PSEN1: variants seen among roughly 807,000 people sequenced by gnomAD.
PSEN1 encodes the protein presenilin-1.
A neutral mutation model predicts 53.5 loss-of-function variants in PSEN1; 15 were observed. That is an observed-to-expected ratio of 0.28 (90% CI 0.19 to 0.43). The LOEUF (loss-of-function observed/expected upper bound fraction) is 0.43. PSEN1 is among the 20% of genes least tolerant of loss of function. The pLI is 1.00. For missense variants in PSEN1, 387 were observed against 571.2 expected (o/e 0.68, Z 3.29); for synonymous variants, 208 against 209.8 (o/e 0.99, Z 0.08).
chr14:73,147,060 T>TC (rs67735228), intron 1 of PSEN1, among the ~76,000 whole-genome samples: 5,637 of 151,062 alleles, frequency 0.037, 290 homozygotes, highest in African/African-American at 0.11. Flanking sequence ...TTTTTTTTTT[T>TC]CTGCAACCTC....
intron 8 of PSEN1, among the ~76,000 whole-genome samples, chr14:73,199,345 G>A (rs575677810): frequency 7.9e-5 from 12 of 152,328 alleles, no homozygotes; most frequent in African/African-American, 2.6e-4. Context: ...CAACTACTGT[G>A]TTTAGAGAAT....
chr14:73,202,447 TATATATATATATA>T (rs1460220801), intron 8 of PSEN1, among the ~76,000 whole-genome samples: 20 of 18,106 alleles, frequency 1.1e-3, no homozygotes, highest in South Asian at 2.1e-3. Flanking sequence ...TATATATATA[TATATATATATATA>T]TATTTTTTTT....
At chr14:73,209,387 C>A (rs566113957) in intron 9 of PSEN1, among the ~76,000 whole-genome samples, 1 of 152,362 alleles carries the variant, frequency 6.6e-6, no homozygotes, top group East Asian at 1.9e-4. Context: ...AGAATTGCCA[C>A]AAGCCTGGCT....
intron 3 of PSEN1, among the ~76,000 whole-genome samples, chr14:73,157,140 T>G (rs77778105): frequency 2.7e-5 from 4 of 150,296 alleles, no homozygotes; most frequent in Admixed American, 2.0e-4. Flanking sequence ...TTTTTTTTTT[T>G]GCGAGGGAGT....
At chr14:73,166,696 C>T (rs1195380465) in intron 3 of PSEN1, among the ~76,000 whole-genome samples, 1 of 152,226 alleles carries the variant, frequency 6.6e-6, no homozygotes, top group Admixed American at 6.5e-5. Flanking sequence ...CCGTTGGCCT[C>T]ACCTTCCATA....
At chr14:73,138,743 G>C (rs1209372826) in intron 1 of PSEN1, among the ~76,000 whole-genome samples, 30 of 134,084 alleles carry the variant, frequency 2.2e-4, no homozygotes, top group Middle Eastern at 9.3e-3. Context: ...GGCGGATCAT[G>C]AGGTCAGGAG....
At chr14:73,181,642 G>GT (rs1213790693) in intron 5 of PSEN1, among the ~76,000 whole-genome samples, 1 of 152,160 alleles carries the variant, frequency 6.6e-6, no homozygotes, top group East Asian at 1.9e-4. Context: ...ATGAGAATAT[G>GT]TTTGTAATAA....
intron 7 of PSEN1, among the ~76,000 whole-genome samples, chr14:73,197,128 T>C (rs911471832): frequency 3.3e-5 from 5 of 152,084 alleles, no homozygotes; most frequent in African/African-American, 1.2e-4. Context: ...AGAGACAGGG[T>C]TTCACCGTGT....
intron 1 of PSEN1, among the ~76,000 whole-genome samples, chr14:73,140,855 C>G (rs1245423525): frequency 1.3e-5 from 2 of 152,154 alleles, no homozygotes; most frequent in Non-Finnish European, 2.9e-5. Context: ...CATTACAGAC[C>G]TCCCCCAAAC....
At chr14:73,147,466 AT>A (rs1897104975) in intron 1 of PSEN1, 1 of 165,710 alleles carries the variant, frequency 6.0e-6, no homozygotes, top group African/African-American at 2.4e-5. Context: ...TAGACAAATG[AT>A]TTTATGAAAA....
chr14:73,180,008 G>A (rs1307409101), intron 5 of PSEN1, among the ~76,000 whole-genome samples: 1 of 148,138 alleles, frequency 6.8e-6, no homozygotes, highest in African/African-American at 2.5e-5. Context: ...TTTTTGAGAC[G>A]GAGTCTCAGT....
intron 9 of PSEN1, among the ~76,000 whole-genome samples, chr14:73,207,168 T>C (rs1258823109): frequency 1.3e-5 from 2 of 151,886 alleles, no homozygotes; most frequent in African/African-American, 4.8e-5. Context: ...TAATAATGAA[T>C]AATAATAATG....
intron 3 of PSEN1, among the ~76,000 whole-genome samples, chr14:73,155,058 T>C (rs963531910): frequency 2.0e-5 from 3 of 152,228 alleles, no homozygotes; most frequent in Non-Finnish European, 4.4e-5. Context: ...GCATTTCACT[T>C]CTGAAAGTTT....
Position 73,186,916 on chromosome 14 carries a change from T to C in PSEN1, c.544T>C (p.Leu182=). ...GCTGTTCTTTTTTTCATTCATTTAC[T>C]TGGGGTAAGTTGTGAAATTTTTGGT... ...LLLFFFSFIY[L]GEVFKTYNVA... Residue 182 remains leucine (L), a synonymous_variant, in exon 6 of 12, where the codon TTG becomes CTG. Transcript: ENST00000324501. The C allele has an allele frequency of 6.2e-7, 1 of 1,612,584 alleles. No homozygotes were observed. Among genetic ancestry groups the C allele is most frequent in the Middle Eastern group, 1.7e-4 (1 of 6,052 alleles).
Position 73,219,653 on chromosome 14 carries a change from T to C in PSEN1, c.*364T>C, listed in dbSNP as rs362385. On this transcript the variant is annotated 3_prime_UTR_variant, in exon 12 of 12. Coordinates refer to ENST00000324501, the MANE Select transcript of PSEN1 (RefSeq NM_000021.4). ...ACACTGCGAACTCTCAGGACTACCG[T>C]TACCAAGAGGTTAGGTGAAGTGGTT... is the stretch of plus-strand genomic sequence containing the variant. 12,236 of 320,964 alleles carry C rather than the reference T, an allele frequency of 0.038. 325 individuals are homozygous for C. The highest frequency in any genetic ancestry group is 0.054 in the Middle Eastern group (48 of 888). The allele number at this position is 320,964 out of a possible 1,614,324, so 19.9% of individuals were successfully genotyped here.
At chr14:73,168,721 C>T (rs1481904950) in intron 3 of PSEN1, 1 of 152,302 alleles carries the variant, frequency 6.6e-6, no homozygotes, top group Non-Finnish European at 1.5e-5. Context: ...ACCCTTCAAT[C>T]TGTTCATGTG....
At chr14:73,138,946 G>C (rs1350907021) in intron 1 of PSEN1, among the ~76,000 whole-genome samples, 4 of 131,604 alleles carry the variant, frequency 3.0e-5, no homozygotes, top group African/African-American at 1.1e-4. Flanking sequence ...CAGCCTGGGC[G>C]ACAGAGCCAG....
intron 3 of PSEN1, chr14:73,168,892 C>T (rs954429758): frequency 6.6e-6 from 1 of 152,294 alleles, no homozygotes; most frequent in Non-Finnish European, 1.5e-5. Flanking sequence ...TGCTGCGGGG[C>T]CGCATAGAGC....
chr14:73,148,145 G>A (rs200708784), intron 3 of PSEN1, 39 bp downstream of exon 3: 1 of 1,489,772 alleles, frequency 6.7e-7, no homozygotes. Flanking sequence ...TGCCAGACTG[G>A]ATTCACTTAT....
Sources: allele counts gnomAD v4.1 joint callset (sites outside exome capture counted in the v4.1 genomes callset), GRCh38; gene constraint gnomAD v4.1.1; transcripts MANE v1.5; gene names NCBI Gene and HGNC (gene_info 2026-07-23, HGNC 2026-07-21).